KCNJ16: variants seen among roughly 807,000 people sequenced by gnomAD.
The protein encoded by KCNJ16 is inward rectifier potassium channel 16.
Under a neutral mutation model 18.5 loss-of-function variants are expected in KCNJ16, and 15 were observed. The observed-to-expected ratio is 0.81, with a 90% CI of 0.54 to 1.25. The LOEUF (loss-of-function observed/expected upper bound fraction) is 1.25. KCNJ16 is among the 50% of genes most tolerant of loss of function. The probability of loss-of-function intolerance (pLI) is 0.00; values close to 1 mark genes in which losing one functional copy is unlikely to be tolerated. For synonymous variants in KCNJ16, 174 were observed against 186.5 expected (o/e 0.93, Z 0.55); for missense variants, 523 against 525.7 (o/e 0.99, Z 0.05).
chr17:70,109,572 C>T (rs2073094496), intron 2 of KCNJ16, among the ~76,000 whole-genome samples: 1 of 152,094 alleles, frequency 6.6e-6, no homozygotes, highest in Non-Finnish European at 1.5e-5. Context: ...TCCCCCTGTT[C>T]TCTCACTGGG....
chr17:70,117,097 T>C (rs1218589821), intron 2 of KCNJ16, among the ~76,000 whole-genome samples: 1 of 152,148 alleles, frequency 6.6e-6, no homozygotes, highest in Non-Finnish European at 1.5e-5. Context: ...GTGGTCAATA[T>C]ACACTATGGA....
chr17:70,101,907 A>G (rs550867855), intron 2 of KCNJ16: 1 of 152,350 alleles, frequency 6.6e-6, no homozygotes, highest in South Asian at 2.1e-4. Context: ...ACGTTTACTG[A>G]AAAGTATTAT....
At chr17:70,118,807 T>C (rs1218466187) in intron 2 of KCNJ16, among the ~76,000 whole-genome samples, 1 of 152,122 alleles carries the variant, frequency 6.6e-6, no homozygotes, top group East Asian at 1.9e-4. Flanking sequence ...CCAAACTATA[T>C]TATTCTGCCC....
chr17:70,098,536 T>TAA (rs374041292), intron 1 of KCNJ16, among the ~76,000 whole-genome samples: 3 of 140,828 alleles, frequency 2.1e-5, no homozygotes, highest in Admixed American at 7.1e-5. Context: ...TCCCTTTGAT[T>TAA]AAAAAAAAAA....
rs141664756 is a variant in KCNJ16, at chr17:70,120,873, G to A, written c.-190-10006G>A. On this transcript the variant is annotated intron_variant, in intron 2 of 3. Transcript: ENST00000392671. Reference sequence around the variant, plus strand: ...CAGATTAACAGGAGAAAGTGTATATGCATTTATCAAGTGCATTTTCTTTTA... The same window carrying A: ...CAGATTAACAGGAGAAAGTGTATATACATTTATCAAGTGCATTTTCTTTTA... Among the ~76,000 whole-genome samples the A allele has an allele frequency of 9.5e-4, 144 of 152,314 alleles. 1 individual carries two copies. Among genetic ancestry groups the A allele is most frequent in the African/African-American group, 3.4e-3 (141 of 41,570 alleles).
chr17:70,100,031 T>A (rs998152100), intron 1 of KCNJ16, among the ~76,000 whole-genome samples: 1 of 152,174 alleles, frequency 6.6e-6, no homozygotes, highest in African/African-American at 2.4e-5. Flanking sequence ...AAAGTCCGTT[T>A]AGCAGTGAGA....
intron 1 of KCNJ16, among the ~76,000 whole-genome samples, chr17:70,094,944 A>G (rs1598109341): frequency 6.6e-6 from 1 of 152,234 alleles, no homozygotes; most frequent in African/African-American, 2.4e-5. Flanking sequence ...AGTAGGTTTT[A>G]TTAAGTTCAG....
chr17:70,130,868 G>A lies in KCNJ16; in HGVS notation c.-190-11G>A. On this transcript the variant is annotated splice_polypyrimidine_tract_variant and intron_variant, in intron 2 of 3. Coordinates refer to ENST00000392671, the MANE Select transcript of KCNJ16 (RefSeq NM_170741.4). Reference sequence around the variant, plus strand: ...GGCTACAATACTTTTATTTTTGTTTGTTTTGCACAGGAGTAACTCAAGATG... The same window carrying A: ...GGCTACAATACTTTTATTTTTGTTTATTTTGCACAGGAGTAACTCAAGATG... 8.9e-7 allele frequency: 1 copy of A among 1,129,018 alleles called. No individual in the cohort carries two copies. Among genetic ancestry groups the A allele is most frequent in the Non-Finnish European group, 1.3e-6 (1 of 777,702 alleles). 69.9% of individuals were successfully genotyped at this position (1,129,018 alleles called of 1,614,324 possible). A position where few individuals can be genotyped will look rare whatever the true frequency, so the allele number is the denominator to read the frequency against.
intron 2 of KCNJ16, among the ~76,000 whole-genome samples, chr17:70,121,816 A>G (rs984646914): frequency 1.3e-5 from 2 of 152,134 alleles, no homozygotes. Context: ...ACAAAAAATT[A>G]GCTGAGTGTG....
intron 2 of KCNJ16, among the ~76,000 whole-genome samples, chr17:70,110,093 T>C (rs1287114611): frequency 6.6e-6 from 1 of 152,216 alleles, no homozygotes; most frequent in East Asian, 1.9e-4. Context: ...AATGTGCTTT[T>C]CTGCTTCCCA....
chr17:70,118,739 G>A (rs1286086649), intron 2 of KCNJ16, among the ~76,000 whole-genome samples: 1 of 152,032 alleles, frequency 6.6e-6, no homozygotes, highest in Non-Finnish European at 1.5e-5. Context: ...CTCCCACCAG[G>A]TCCCCCTCCA....
At chr17:70,103,313 T>TC (rs2072751938) in intron 2 of KCNJ16, among the ~76,000 whole-genome samples, 1 of 16,682 alleles carries the variant, frequency 6.0e-5, no homozygotes, top group Non-Finnish European at 1.5e-4. Context: ...TATATATATA[T>TC]ATATATATAC....
chr17:70,112,361 A>AT (rs929677629), intron 2 of KCNJ16, among the ~76,000 whole-genome samples: 11,665 of 144,894 alleles, frequency 0.081, 1,372 homozygotes, highest in African/African-American at 0.26. Context: ...CTGGTTTCTA[A>AT]TTTTTTTTTT....
At chr17:70,095,459 C>A (rs1382409628) in intron 1 of KCNJ16, among the ~76,000 whole-genome samples, 2 of 152,116 alleles carry the variant, frequency 1.3e-5, no homozygotes, top group Admixed American at 6.5e-5. Context: ...TAGAGGAAGC[C>A]CGGCTTCCAC....
intron 1 of KCNJ16, among the ~76,000 whole-genome samples, chr17:70,092,566 TATAGATAG>T (rs71149816): frequency 0.055 from 5,606 of 102,672 alleles, 122 homozygotes; most frequent in Middle Eastern, 0.068. Flanking sequence ...AGATGATAGA[TATAGATAG>T]ATAGATAGAT....
chr17:70,123,163 C>G (rs8069098), intron 2 of KCNJ16, among the ~76,000 whole-genome samples: 1 of 152,198 alleles, frequency 6.6e-6, no homozygotes, highest in Non-Finnish European at 1.5e-5. Flanking sequence ...ACGAGATATT[C>G]TATGCTCTGG....
rs1255055352 is a variant in KCNJ16 at position 70,108,815 on chromosome 17, G to A, written c.-191+8049G>A. On this transcript the variant is annotated intron_variant, in intron 2 of 3. Coordinates refer to ENST00000392671, the MANE Select transcript of KCNJ16 (RefSeq NM_170741.4). ...TTCCTCCCTCCCTTTCTCCTTGCCC[G>A]TTTTTGCTAGCCCTCTGAGCTTGAC... Among the ~76,000 whole-genome samples, 7 of 151,964 alleles carry A rather than the reference G, an allele frequency of 4.6e-5. No homozygotes were observed. The East Asian group carries it at 7.7e-4, about 17-fold the overall frequency.
At chr17:70,125,035 G>A (rs955149010) in intron 2 of KCNJ16, among the ~76,000 whole-genome samples, 1 of 152,254 alleles carries the variant, frequency 6.6e-6, no homozygotes. Flanking sequence ...GGAGGCCGAG[G>A]CTGGAGGATT....
intron 2 of KCNJ16, among the ~76,000 whole-genome samples, chr17:70,125,585 AAAG>A (rs2073823865): frequency 6.6e-6 from 1 of 152,148 alleles, no homozygotes; most frequent in South Asian, 2.1e-4. Flanking sequence ...CTTGCGCAAG[AAAG>A]AATTCGGGGC....
Sources: allele counts gnomAD v4.1 joint callset (sites outside exome capture counted in the v4.1 genomes callset), GRCh38; gene constraint gnomAD v4.1.1; transcripts MANE v1.5; gene names NCBI Gene and HGNC (gene_info 2026-07-23, HGNC 2026-07-21).